Variants in LHFPL3 observed in about 807,000 individuals in gnomAD.
LHFPL3 encodes LHFPL tetraspan subfamily member 3 protein.
A neutral mutation model predicts 19.3 loss-of-function variants in LHFPL3; 5 were observed. The ratio of observed to expected loss-of-function variants is 0.26; its 90% CI spans 0.14 to 0.54. The LOEUF is 0.54. LHFPL3 is among the 20% of genes least tolerant of loss of function. The pLI, the probability that LHFPL3 is intolerant of heterozygous loss-of-function variation, is 0.94. For missense variants in LHFPL3, 249 were observed against 307.4 expected (o/e 0.81, Z 1.42); for synonymous variants, 133 against 126.2 (o/e 1.05, Z -0.36).
chr7:104,618,959 G>A (rs904075118), intron 1 of LHFPL3, among the ~76,000 whole-genome samples: 5 of 152,174 alleles, frequency 3.3e-5, no homozygotes, highest in African/African-American at 4.8e-5. Flanking sequence ...AGGCCCCTTA[G>A]TAGCTTCTTT....
At chr7:104,554,170 G>T (rs1167028169) in intron 1 of LHFPL3, among the ~76,000 whole-genome samples, 1 of 151,984 alleles carries the variant, frequency 6.6e-6, no homozygotes, top group Non-Finnish European at 1.5e-5. Flanking sequence ...TGGCAGGGCT[G>T]GTTCCTTGTG....
intron 1 of LHFPL3, among the ~76,000 whole-genome samples, chr7:104,692,156 A>G (rs1214742072): frequency 1.3e-5 from 2 of 152,236 alleles, no homozygotes; most frequent in African/African-American, 4.8e-5. Context: ...GGTGCTCTTA[A>G]AAGAATTCAG....
chr7:104,815,680 T>C (rs576995378), intron 2 of LHFPL3, among the ~76,000 whole-genome samples: 2 of 152,294 alleles, frequency 1.3e-5, no homozygotes, highest in African/African-American at 2.4e-5. Context: ...CTCTCTCAGA[T>C]AGCCCTTTCT....
intron 2 of LHFPL3, among the ~76,000 whole-genome samples, chr7:104,761,842 T>G (rs546662492): frequency 6.6e-6 from 1 of 152,326 alleles, no homozygotes; most frequent in African/African-American, 2.4e-5. Flanking sequence ...ATTGCCATCC[T>G]TTTAATAGAA....
chr7:104,508,152 G>A (rs1260979730), intron 1 of LHFPL3, among the ~76,000 whole-genome samples: 72 of 152,040 alleles, frequency 4.7e-4, no homozygotes, highest in African/African-American at 1.2e-3. Context: ...ATAAAGACAC[G>A]TGCACACGTA....
At chr7:104,551,842 A>G (rs1794667213) in intron 1 of LHFPL3, among the ~76,000 whole-genome samples, 2 of 152,166 alleles carry the variant, frequency 1.3e-5, no homozygotes, top group South Asian at 4.1e-4. Flanking sequence ...CACCATTTGA[A>G]GCACAATCTA....
intron 1 of LHFPL3, among the ~76,000 whole-genome samples, chr7:104,498,081 A>G (rs949501449): frequency 3.3e-5 from 5 of 151,730 alleles, no homozygotes; most frequent in African/African-American, 1.2e-4. Context: ...TTCTTAAGGC[A>G]GATCTATCAT....
Position 104,558,723 on chromosome 7 carries a change from C to T in LHFPL3, c.446-177952C>T, listed in dbSNP as rs1359587216. Among the ~76,000 whole-genome samples, 15 of 150,352 alleles carry T rather than the reference C, an allele frequency of 1.0e-4. No individual in the cohort carries two copies. The East Asian group carries it at 1.7e-3, about 17-fold the overall frequency. ...TTAATTTTGGCTTTTGTTGCCATTG[C>T]TTTTGGTGTTTTAGACATGAAGTCC... On this transcript the variant is annotated intron_variant, in intron 1 of 2. Transcript: ENST00000424859.
intron 1 of LHFPL3, among the ~76,000 whole-genome samples, chr7:104,480,863 G>A (rs934460120): frequency 1.3e-5 from 2 of 152,104 alleles, no homozygotes; most frequent in African/African-American, 4.8e-5. Context: ...AAACTAGAGT[G>A]GCTAAGGCTG....
chr7:104,419,826 G>C (rs1371826996), intron 1 of LHFPL3, among the ~76,000 whole-genome samples: 1 of 152,196 alleles, frequency 6.6e-6, no homozygotes, highest in East Asian at 1.9e-4. Flanking sequence ...GGGCAGGACA[G>C]ATACACAGAG....
At chr7:104,336,048 C>T (rs6958555) in intron 1 of LHFPL3, among the ~76,000 whole-genome samples, 64 of 152,120 alleles carry the variant, frequency 4.2e-4, no homozygotes, top group African/African-American at 1.4e-3. Flanking sequence ...GATAACTGGA[C>T]TAGTTTTAAA....
intron 1 of LHFPL3, among the ~76,000 whole-genome samples, chr7:104,383,659 C>T (rs1308437021): frequency 6.6e-6 from 1 of 152,046 alleles, no homozygotes; most frequent in Non-Finnish European, 1.5e-5. Flanking sequence ...CAGTAAGGAC[C>T]TTGTTGTAAG....
chr7:104,682,783 A>G (rs1479468540), intron 1 of LHFPL3, among the ~76,000 whole-genome samples: 1 of 152,224 alleles, frequency 6.6e-6, no homozygotes, highest in Non-Finnish European at 1.5e-5. Context: ...ATTAATTTTA[A>G]TATGCAACCA....
rs1008173921 is a variant in LHFPL3, at chr7:104,737,286, A to G, written c.682+375A>G. On this transcript the variant is annotated intron_variant, in intron 2 of 2. Transcript: ENST00000424859. The stretch of plus-strand genomic sequence containing the variant: ...GTACTTTCTCTCCATGTATTCAGCT[A>G]TGTTTCAGGTTGAAATAAATGCCTG... 5.3e-5 allele frequency among the ~76,000 whole-genome samples: 8 copies of G among 152,214 alleles called. No individual in the cohort carries two copies. In the East Asian group the frequency reaches 1.4e-3, roughly 26 times the overall value.
intron 1 of LHFPL3, among the ~76,000 whole-genome samples, chr7:104,735,630 C>G (rs1268105618): frequency 1.3e-5 from 2 of 152,196 alleles, no homozygotes; most frequent in Non-Finnish European, 2.9e-5. Context: ...CTTTGCTTGG[C>G]TAGGAAAGGG....
intron 1 of LHFPL3, among the ~76,000 whole-genome samples, chr7:104,371,839 G>A (rs1047009615): frequency 1.3e-5 from 2 of 152,164 alleles, no homozygotes; most frequent in Admixed American, 6.5e-5. Flanking sequence ...ACATAGCATA[G>A]GAGTGTTTCC....
At chr7:104,381,456 A>G (rs1325932602) in intron 1 of LHFPL3, among the ~76,000 whole-genome samples, 1 of 152,218 alleles carries the variant, frequency 6.6e-6, no homozygotes, top group Admixed American at 6.5e-5. Context: ...TCATTAATAT[A>G]AATAATGCCC....
chr7:104,373,617 G>A (rs965381316), intron 1 of LHFPL3, among the ~76,000 whole-genome samples: 2 of 150,738 alleles, frequency 1.3e-5, no homozygotes, highest in Non-Finnish European at 3.0e-5. Context: ...TTAGGAAGCC[G>A]TGAGACAACA....
At chr7:104,586,373 A>G (rs901806849) in intron 1 of LHFPL3, among the ~76,000 whole-genome samples, 2 of 152,072 alleles carry the variant, frequency 1.3e-5, no homozygotes, top group African/African-American at 4.8e-5. Context: ...TCCACCCACA[A>G]GTTTCTTCTC....
Sources: gnomAD v4.1 joint callset for allele counts (sites outside exome capture counted in the v4.1 genomes callset) on GRCh38, gnomAD v4.1.1 for gene constraint, MANE v1.5 for transcripts, NCBI Gene and HGNC (gene_info 2026-07-23, HGNC 2026-07-21) for gene names.